MYPN: variants seen among roughly 807,000 people sequenced by gnomAD.
MYPN encodes sarcomeric protein myopalladin, 145 kDa (MYOP).
In MYPN, 63 loss-of-function variants were observed where a neutral mutation model predicts 129.4. That is an observed-to-expected ratio of 0.49 (90% confidence interval 0.40 to 0.60). The LOEUF is 0.60. MYPN is among the 20% of genes least tolerant of loss of function. The pLI is 0.00. For missense variants in MYPN, 1,596 were observed against 1,635.4 expected (o/e 0.98, Z 0.42); for synonymous variants, 629 against 600.9 (o/e 1.05, Z -0.68).
chr10:68,174,193 C>G lies in MYPN; in HGVS notation c.2101C>G (p.Pro701Ala), dbSNP rs1282011634. 1 of 1,614,034 alleles carries G rather than the reference C, an allele frequency of 6.2e-7. No individual in the cohort carries two copies. Among genetic ancestry groups the G allele is most frequent in the South Asian group, 1.1e-5 (1 of 91,076 alleles). The change falls in exon 11 of 20, where the codon CCA (proline) becomes GCA (alanine). Residue 701 changes from proline (P) to alanine (A), a missense_variant. By Grantham distance (27) the Pro-to-Ala change is conservative. Transcript: ENST00000358913. ...GACTGTTTTGAACTCCAATGCTCCC[C>G]CAGCGGTGACAACATCCAGTAAGCA... is the stretch of plus-strand genomic sequence containing the variant. Reference protein sequence around the residue: ...SMTVLNSNAPPAVTTSSKQVK... With the variant: ...SMTVLNSNAPAAVTTSSKQVK...
chr10:68,136,013 G>T (rs1056216701), intron 2 of MYPN, among the ~76,000 whole-genome samples: 1 of 152,136 alleles, frequency 6.6e-6, no homozygotes, highest in Admixed American at 6.6e-5. Flanking sequence ...TTTAACAAGC[G>T]TTATTACTGG....
intron 2 of MYPN, among the ~76,000 whole-genome samples, chr10:68,125,040 T>C (rs935987190): frequency 6.6e-6 from 1 of 151,822 alleles, no homozygotes; most frequent in Non-Finnish European, 1.5e-5. Flanking sequence ...CATAGATTGA[T>C]TAAAACAAAA....
intron 17 of MYPN, among the ~76,000 whole-genome samples, 181 bp downstream of exon 17, chr10:68,199,756 A>G (rs1216338179): frequency 2.0e-5 from 3 of 152,170 alleles, no homozygotes; most frequent in African/African-American, 7.2e-5. Context: ...GTAATCTAAA[A>G]TCATAATATG....
intron 5 of MYPN, 61 bp downstream of exon 5, chr10:68,148,528 T>A: frequency 7.5e-7 from 1 of 1,330,334 alleles, no homozygotes; most frequent in Admixed American, 1.7e-5. Flanking sequence ...ATGGTGACCA[T>A]GACCATCTTG....
chr10:68,109,090 C>T (rs1174061729), upstream of MYPN: 1 of 156,064 alleles, frequency 6.4e-6, no homozygotes, highest in Non-Finnish European at 1.4e-5. Context: ...CAAAAAAGCT[C>T]TCAGCTTTAA....
At chr10:68,200,722 C>T (rs970399715) in intron 17 of MYPN, among the ~76,000 whole-genome samples, 4 of 151,876 alleles carry the variant, frequency 2.6e-5, no homozygotes, top group Non-Finnish European at 5.9e-5. Flanking sequence ...TGCACCACTG[C>T]ACTCCAGCCT....
intron 8 of MYPN, among the ~76,000 whole-genome samples, chr10:68,163,474 A>T (rs76741178): frequency 0.13 from 19,246 of 149,914 alleles, 1,606 homozygotes; most frequent in Middle Eastern, 0.23. Context: ...AAAAAAATAC[A>T]AAAAATTAGC....
intron 1 of MYPN, among the ~76,000 whole-genome samples, chr10:68,115,236 G>A (rs1259972975): frequency 6.9e-6 from 1 of 145,226 alleles, no homozygotes; most frequent in Non-Finnish European, 1.5e-5. Context: ...TCCAGCCTGG[G>A]CGACAAAGTG....
intron 17 of MYPN, among the ~76,000 whole-genome samples, chr10:68,200,672 C>T (rs904661323): frequency 6.6e-5 from 10 of 151,930 alleles, no homozygotes; most frequent in African/African-American, 1.7e-4. Flanking sequence ...GCAGGAGAAT[C>T]GCTTGAACCC....
chr10:68,172,572 T>A (rs767981611), intron 10 of MYPN, among the ~76,000 whole-genome samples: 17 of 152,182 alleles, frequency 1.1e-4, no homozygotes, highest in Non-Finnish European at 2.2e-4. Flanking sequence ...GAAGAGAAAT[T>A]CAATAGACCA....
At chr10:68,145,315 C>T (rs528848549) in intron 3 of MYPN, among the ~76,000 whole-genome samples, 160 bp from the exon 4 acceptor site, 3 of 152,210 alleles carry the variant, frequency 2.0e-5, no homozygotes, top group East Asian at 1.9e-4. Context: ...TGAGCCACCA[C>T]GCCCGGCGTT....
intron 3 of MYPN, among the ~76,000 whole-genome samples, chr10:68,144,255 T>G (rs1205939281): frequency 6.6e-6 from 1 of 152,220 alleles, no homozygotes; most frequent in African/African-American, 2.4e-5. Flanking sequence ...TCTTATCCTC[T>G]GAATTTTGTC....
intron 3 of MYPN, 110 bp downstream of exon 3, chr10:68,143,225 G>T: frequency 9.5e-7 from 1 of 1,057,718 alleles, no homozygotes; most frequent in Non-Finnish European, 1.4e-6. Flanking sequence ...AGGCAATGAG[G>T]ATACAGCAGT....
At chr10:68,097,891 G>T (rs1039993900) in intron 1 of MYPN, among the ~76,000 whole-genome samples, 1 of 152,124 alleles carries the variant, frequency 6.6e-6, no homozygotes, top group African/African-American at 2.4e-5. Context: ...CAAAAGAGGT[G>T]ATGTCCCTTT....
At chr10:68,190,524 T>C (rs1329890352) in intron 13 of MYPN, among the ~76,000 whole-genome samples, 1 of 152,174 alleles carries the variant, frequency 6.6e-6, no homozygotes, top group African/African-American at 2.4e-5. Flanking sequence ...TAACAGTCTT[T>C]GTTTTTGTTT....
In MYPN at chr10:68,175,387, C is replaced by T. The variant is rs764042082; in HGVS notation, c.2629C>T (p.Arg877Cys). 8.7e-6 allele frequency: 14 copies of T among 1,613,870 alleles called. No homozygotes were observed. The highest frequency in any genetic ancestry group is 1.3e-5 in the African/African-American group (1 of 74,876). ...TCAACCAGTGAATGATGATAACATT[C>T]GTGAAACTAAGAACGCAGTGATTCG... is the stretch of plus-strand genomic sequence containing the variant. The part of the protein sequence containing the change: ...SPQPVNDDNI[R>C]ETKNAVIRDL... The change falls in exon 12 of 20, where the codon CGT (arginine) becomes TGT (cysteine). Residue 877 changes from arginine (R) to cysteine (C), a missense_variant. Physicochemically the swap from Arg to Cys is radical, Grantham distance 180. Transcript: ENST00000358913.
chr10:68,126,059 A>G (rs2042321780), intron 2 of MYPN, among the ~76,000 whole-genome samples: 1 of 152,228 alleles, frequency 6.6e-6, no homozygotes, highest in Non-Finnish European at 1.5e-5. Context: ...GTGTTAACAC[A>G]GGAGGTAGAG....
chr10:68,204,546 A>G (rs1340526703), intron 18 of MYPN, among the ~76,000 whole-genome samples: 2 of 151,938 alleles, frequency 1.3e-5, no homozygotes, highest in Non-Finnish European at 2.9e-5. Context: ...ACATGGCAAA[A>G]CCCTGTCTCT....
At chr10:68,134,419 A>G (rs1012491539) in intron 2 of MYPN, among the ~76,000 whole-genome samples, 5 of 152,240 alleles carry the variant, frequency 3.3e-5, no homozygotes, top group Non-Finnish European at 7.3e-5. Context: ...ACCCCTCCTC[A>G]AAGTAATTTA....
Sources: allele counts gnomAD v4.1 joint callset (sites outside exome capture counted in the v4.1 genomes callset), GRCh38; gene constraint gnomAD v4.1.1; transcripts MANE v1.5; gene names NCBI Gene and HGNC (gene_info 2026-07-23, HGNC 2026-07-21).